Variants in SCN4B observed in about 807,000 individuals in gnomAD.
SCN4B encodes sodium voltage-gated channel beta subunit 4.
In SCN4B, 20 loss-of-function variants were observed where a neutral mutation model predicts 19.6. That is an observed-to-expected ratio of 1.02 (90% CI 0.72 to 1.48). The LOEUF (loss-of-function observed/expected upper bound fraction) is 1.48, where lower values mean the gene tolerates loss of function less well. Among genes scored for constraint, SCN4B ranks in the 40% most tolerant of loss-of-function variants. The pLI, the probability that SCN4B is intolerant of heterozygous loss-of-function variation, is 0.00. For synonymous variants in SCN4B, 127 were observed against 122.8 expected, an observed-to-expected ratio of 1.03 and a Z score of -0.22; for missense variants, 271 against 287.5, an observed-to-expected ratio of 0.94 and a Z score of 0.42.
rs756233303 is a variant in SCN4B at position 118,136,898 on chromosome 11, G to A, written c.*129C>T. The A allele has an allele frequency of 2.5e-5, 18 of 729,844 alleles. No individual in the cohort carries two copies. Among genetic ancestry groups the A allele is most frequent in the Admixed American group, 2.0e-4 (10 of 49,826 alleles). The allele number at this position is 729,844 out of a possible 1,614,324, so 45.2% of individuals were successfully genotyped here. On this transcript the variant is annotated 3_prime_UTR_variant, in exon 5 of 5. Coordinates refer to ENST00000324727, the MANE Select transcript of SCN4B (RefSeq NM_174934.4). ...GCTGGGCAGGACTCTGGTTTCTTGT[G>A]CCCGGAAAGACTACAGTTTGAGCCA...
Position 118,136,214 on chromosome 11 carries a change from C to G in SCN4B, c.*813G>C. On this transcript the variant is annotated 3_prime_UTR_variant, in exon 5 of 5. Coordinates refer to ENST00000324727, the MANE Select transcript of SCN4B (RefSeq NM_174934.4). ...GCGGGCATCCCAGAGGCCCAGGACA[C>G]TGGCTCACTACCTCTGTGGCCCAAT... is the stretch of plus-strand genomic sequence containing the variant. The G allele has an allele frequency of 2.2e-6, 1 of 453,774 alleles. No homozygotes were observed. Among genetic ancestry groups the G allele is most frequent in the South Asian group, 1.6e-5 (1 of 64,450 alleles). The allele number at this position is 453,774 out of a possible 1,614,324, so 28.1% of individuals were successfully genotyped here. A position where few individuals can be genotyped will look rare whatever the true frequency, so the allele number is the denominator to read the frequency against.
intron 1 of SCN4B, chr11:118,145,677 T>C (rs1259001295): frequency 9.5e-6 from 3 of 314,826 alleles, no homozygotes; most frequent in Admixed American, 4.2e-5. Context: ...TTTTCAGGAC[T>C]GACGGGCGGG....
chr11:118,133,599 A>G lies in SCN4B; in HGVS notation c.*3428T>C, dbSNP rs1947947938. ...CTATAGTTACATAGGAAAATTGACT[A>G]TGGGTATTGTTGTCATCCAAGCCAG... is the stretch of plus-strand genomic sequence containing the variant. On this transcript the variant is annotated 3_prime_UTR_variant, in exon 5 of 5. Coordinates refer to ENST00000324727, the MANE Select transcript of SCN4B (RefSeq NM_174934.4). The G allele has an allele frequency of 2.2e-6, 1 of 454,516 alleles. No homozygotes were observed. The highest frequency in any genetic ancestry group is 2.0e-5 in the African/African-American group (1 of 50,118). 28.2% of individuals were successfully genotyped at this position (454,516 alleles called of 1,614,324 possible).
chr11:118,142,694 T>C (rs956026249), intron 3 of SCN4B: 3 of 152,192 alleles, frequency 2.0e-5, no homozygotes, highest in African/African-American at 7.2e-5. Flanking sequence ...GATGGATGAA[T>C]GAATCCATAC....
At chr11:118,138,071 A>T (rs930943303) in intron 4 of SCN4B, among the ~76,000 whole-genome samples, 1 of 151,734 alleles carries the variant, frequency 6.6e-6, no homozygotes, top group Non-Finnish European at 1.5e-5. Context: ...TGAGCTGGAC[A>T]TGCTCCAACT....
rs1313603301 is a variant in SCN4B, at chr11:118,133,377, T to C, written c.*3650A>G. 2 of 369,282 alleles carry C rather than the reference T, an allele frequency of 5.4e-6. No homozygotes were observed. Among genetic ancestry groups the C allele is most frequent in the African/African-American group, 4.2e-5 (2 of 47,132 alleles). 22.9% of individuals were successfully genotyped at this position (369,282 alleles called of 1,614,324 possible). A position where few individuals can be genotyped will look rare whatever the true frequency, so the allele number is the denominator to read the frequency against. ...AAAATGGAAGCCCCCAAATCCCAAA[T>C]TATTAAACATAATTTTTATTTCATC... On this transcript the variant is annotated 3_prime_UTR_variant, in exon 5 of 5. Coordinates refer to ENST00000324727, the MANE Select transcript of SCN4B (RefSeq NM_174934.4).
At position 118,137,430 on chromosome 11, in the gene SCN4B, G is replaced by A. The variant is rs1948031282; in HGVS notation, c.594-310C>T. 2.0e-5 allele frequency among the ~76,000 whole-genome samples: 3 copies of A among 152,304 alleles called. No individual in the cohort carries two copies. In the South Asian group the frequency reaches 6.2e-4, roughly 32 times the overall value. ...TCACACCTGTAATCCCAGCACTTTGGGAGGCCGAGGCAGGCAGATCACTTG... is the reference window on the plus strand; with the variant it reads ...TCACACCTGTAATCCCAGCACTTTGAGAGGCCGAGGCAGGCAGATCACTTG... On this transcript the variant is annotated intron_variant, in intron 4 of 4. Transcript: ENST00000324727.
chr11:118,140,420 A>G (rs922650079), intron 4 of SCN4B, among the ~76,000 whole-genome samples: 3 of 152,176 alleles, frequency 2.0e-5, no homozygotes, highest in Non-Finnish European at 2.9e-5. Context: ...GTTTCAGCAA[A>G]TAGGGGCAGA....
Position 118,136,511 on chromosome 11 carries a change from G to A in SCN4B, c.*516C>T, listed in dbSNP as rs995724118. 2.2e-6 allele frequency: 1 copy of A among 453,880 alleles called. No individual in the cohort carries two copies. Among genetic ancestry groups the A allele is most frequent in the African/African-American group, 2.0e-5 (1 of 49,950 alleles). 28.1% of individuals were successfully genotyped at this position (453,880 alleles called of 1,614,324 possible). A position where few individuals can be genotyped will look rare whatever the true frequency, so the allele number is the denominator to read the frequency against. On this transcript the variant is annotated 3_prime_UTR_variant, in exon 5 of 5. Coordinates refer to ENST00000324727, the MANE Select transcript of SCN4B (RefSeq NM_174934.4). ...GGATCTGGTATCCTATGAAGCAGAG[G>A]CAGTCTCTCACTGTGGGCCTGCCCC...
At chr11:118,146,096 C>T (rs1381926646) in intron 1 of SCN4B, among the ~76,000 whole-genome samples, 1 of 151,784 alleles carries the variant, frequency 6.6e-6, no homozygotes, top group Non-Finnish European at 1.5e-5. Flanking sequence ...GGCGCTGGAC[C>T]CGCGGTCCCC....
intron 1 of SCN4B, among the ~76,000 whole-genome samples, chr11:118,152,332 C>T (rs754535181): frequency 6.6e-6 from 1 of 152,164 alleles, no homozygotes; most frequent in East Asian, 1.9e-4. Context: ...GCGCTGCAGC[C>T]CCAAGATCCA....
intron 3 of SCN4B, 57 bp from the exon 4 acceptor site, chr11:118,141,393 GGAGCC>G: frequency 6.2e-7 from 1 of 1,609,634 alleles, no homozygotes; most frequent in South Asian, 1.1e-5. Context: ...GAGTCAACCT[GGAGCC>G]GAGAACTGTG....
At chr11:118,142,262 C>T (rs1948108980) in intron 3 of SCN4B, among the ~76,000 whole-genome samples, 1 of 152,230 alleles carries the variant, frequency 6.6e-6, no homozygotes. Flanking sequence ...CTGGCTTGAC[C>T]TGACTCATCT....
chr11:118,152,509 C>G (rs936210637), intron 1 of SCN4B, 104 bp downstream of exon 1: 6 of 978,854 alleles, frequency 6.1e-6, no homozygotes, highest in East Asian at 2.6e-5. Context: ...CATTCCGTGC[C>G]GCACTCCAAA....
At position 118,149,571 on chromosome 11, in the gene SCN4B, C is replaced by G. The variant is rs141366458; in HGVS notation, c.61+3042G>C. On this transcript the variant is annotated intron_variant, in intron 1 of 4. Coordinates refer to ENST00000324727, the MANE Select transcript of SCN4B (RefSeq NM_174934.4). ...CAGCTTTCTCTCCCTAGGCAACCTA[C>G]CTGCTTCCTGCCCATCCCCAGGAGC... is the stretch of plus-strand genomic sequence containing the variant. 1.1e-3 allele frequency among the ~76,000 whole-genome samples: 171 copies of G among 152,316 alleles called. 3 individuals are homozygous for G. In the East Asian group the frequency reaches 0.029, roughly 26 times the overall value.
chr11:118,140,359 A>G (rs1565454654), intron 4 of SCN4B, among the ~76,000 whole-genome samples: 1 of 152,002 alleles, frequency 6.6e-6, no homozygotes, highest in Non-Finnish European at 1.5e-5. Flanking sequence ...CTCTTTCTAG[A>G]GTAAGTTCTG....
rs1288882028 is a variant in SCN4B, at chr11:118,141,312, G to A, written c.488C>T (p.Thr163Ile). 6.2e-7 allele frequency: 1 copy of A among 1,612,440 alleles called. No individual in the cohort carries two copies. Among genetic ancestry groups the A allele is most frequent in the South Asian group, 1.1e-5 (1 of 90,996 alleles). The change falls in exon 4 of 5, where the codon ACA (threonine) becomes ATA (isoleucine). Residue 163 changes from threonine to isoleucine, a missense_variant. Transcript: ENST00000324727. ...GCCCACGACAGCCAGGATGATGAGT[G>A]TCACTGTGTTGTCCACTTCTTCCAC... ...DRLEEVDNTV[T>I]LIILAVVGGV... is the part of the protein sequence containing the mutation.
chr11:118,139,315 G>A (rs1223993767), intron 4 of SCN4B, among the ~76,000 whole-genome samples: 1 of 152,008 alleles, frequency 6.6e-6, no homozygotes, highest in African/African-American at 2.4e-5. Flanking sequence ...CAGGGCTTAA[G>A]TTATATTAAT....
At chr11:118,150,365 G>T (rs1031197836) in intron 1 of SCN4B, among the ~76,000 whole-genome samples, 5 of 152,160 alleles carry the variant, frequency 3.3e-5, no homozygotes, top group Non-Finnish European at 5.9e-5. Context: ...GATACGGGGA[G>T]AGGGGAAGAG....
Sources: allele counts gnomAD v4.1 joint callset (sites outside exome capture counted in the v4.1 genomes callset), GRCh38; gene constraint gnomAD v4.1.1; transcripts MANE v1.5; gene names NCBI Gene and HGNC (gene_info 2026-07-23, HGNC 2026-07-21).